Variants in ZFYVE9 observed in about 807,000 individuals in gnomAD.
ZFYVE9 encodes the protein zinc finger FYVE domain-containing protein 9.
A neutral mutation model predicts 126.7 loss-of-function variants in ZFYVE9; 43 were observed. The observed-to-expected ratio is 0.34, with a 90% CI of 0.27 to 0.44. The LOEUF (loss-of-function observed/expected upper bound fraction) is 0.44. Ranked by LOEUF, ZFYVE9 falls within the 20% of genes least tolerant of loss-of-function variation. The probability of loss-of-function intolerance (pLI) is 1.00; values close to 1 mark genes in which losing one functional copy is unlikely to be tolerated. For synonymous variants in ZFYVE9, 521 were observed against 597.4 expected, an observed-to-expected ratio of 0.87 and a Z score of 1.87; for missense variants, 1,476 against 1,697.0, an observed-to-expected ratio of 0.87 and a Z score of 2.29.
chr1:52,268,789 C>T (rs1645659404), intron 7 of ZFYVE9, among the ~76,000 whole-genome samples, 157 bp downstream of exon 7: 1 of 152,178 alleles, frequency 6.6e-6, no homozygotes, highest in African/African-American at 2.4e-5. Context: ...CAAAAATCAG[C>T]TGCTGTTCTT....
In ZFYVE9 at chr1:52,323,895, CAAAAAA is replaced by C. The variant is rs35308713; in HGVS notation, c.3439-8861_3439-8856del. Among the ~76,000 whole-genome samples, 48 of 126,074 alleles carry C rather than the reference CAAAAAA, an allele frequency of 3.8e-4. 1 individual carries two copies. The highest frequency in any genetic ancestry group is 1.5e-3 in the African/African-American group (48 of 32,408). The allele number at this position is 126,074 out of a possible 152,430, so 82.7% of individuals were successfully genotyped here. A position where few individuals can be genotyped will look rare whatever the true frequency, so the allele number is the denominator to read the frequency against. ...GGTGAAACCCCGTCTCTACTAAATA[CAAAAAA>C]AAAAAAAAAAAGCCAGGCGTGATGG... On this transcript the variant is annotated intron_variant, in intron 13 of 18. Coordinates refer to ENST00000287727, the MANE Select transcript of ZFYVE9 (RefSeq NM_004799.4).
chr1:52,332,643 T>G (rs1646352845), intron 13 of ZFYVE9, 125 bp from the exon 14 acceptor site: 11 of 1,094,280 alleles, frequency 1.0e-5, no homozygotes, highest in Non-Finnish European at 1.4e-5. Context: ...CATTATTTGG[T>G]GGCCCTTTTT....
intron 13 of ZFYVE9, among the ~76,000 whole-genome samples, chr1:52,331,314 A>G (rs998899557): frequency 2.6e-5 from 4 of 152,114 alleles, no homozygotes; most frequent in African/African-American, 7.2e-5. Context: ...ATAAAAACAA[A>G]TTATCATTAA....
At chr1:52,307,551 A>C (rs1646096349) in intron 13 of ZFYVE9, among the ~76,000 whole-genome samples, 1 of 151,970 alleles carries the variant, frequency 6.6e-6, no homozygotes, top group South Asian at 2.1e-4. Flanking sequence ...TAGTTACTTC[A>C]GTACTGACTG....
In ZFYVE9 at chr1:52,281,753, G is replaced by A; in HGVS notation, c.2962G>A (p.Glu988Lys). 1 of 1,614,210 alleles carries A rather than the reference G, an allele frequency of 6.2e-7. No individual in the cohort carries two copies. The highest frequency in any genetic ancestry group is 8.5e-7 in the Non-Finnish European group (1 of 1,180,028). The change falls in exon 10 of 19, where the codon GAA (glutamate) becomes AAA (lysine). Residue 988 changes from glutamate to lysine, a missense_variant. Transcript: ENST00000287727. ...CATTCTTCTACAGTGTTTACCGGAT[G>A]AAAAGTGTTTGCCAAAGGATATCTT... ...IVILLQCLPD[E>K]KCLPKDIFNH...
intron 8 of ZFYVE9, among the ~76,000 whole-genome samples, 197 bp from the exon 9 acceptor site, chr1:52,278,295 T>G (rs552386161): frequency 1.3e-5 from 2 of 152,344 alleles, no homozygotes; most frequent in African/African-American, 4.8e-5. Context: ...TAAGGTGGAC[T>G]GGGTCACTTT....
At chr1:52,206,620 G>GGCTCACTGCAACCTCCACCTCC (rs1553124718) in intron 1 of ZFYVE9, among the ~76,000 whole-genome samples, 1 of 151,970 alleles carries the variant, frequency 6.6e-6, no homozygotes, top group Non-Finnish European at 1.5e-5. Context: ...ATCTCGGCTC[G>GGCTCACTGCAACCTCCACCTCC]GCTCACTGCA....
Position 52,293,801 on chromosome 1 carries a change from G to T in ZFYVE9, c.3250+124G>T, listed in dbSNP as rs1362354202. The T allele has an allele frequency of 4.5e-5, 43 of 952,126 alleles. No homozygotes were observed. The East Asian group carries it at 1.1e-3, about 24-fold the overall frequency. 59.0% of individuals were successfully genotyped at this position (952,126 alleles called of 1,614,324 possible). ...CTTTTGAAATAGCTAAACTAAATTT[G>T]GCCAGTGTCTGCGTGTATTGGGCAT... On this transcript the variant is annotated intron_variant, in intron 11 of 18. Coordinates refer to ENST00000287727, the MANE Select transcript of ZFYVE9 (RefSeq NM_004799.4).
intron 2 of ZFYVE9, among the ~76,000 whole-genome samples, chr1:52,221,616 G>T (rs1180459844): frequency 6.6e-6 from 1 of 152,166 alleles, no homozygotes; most frequent in African/African-American, 2.4e-5. Flanking sequence ...TTGCTGCTAT[G>T]GATTGGACAC....
chr1:52,214,937 A>G (rs1432753583), intron 1 of ZFYVE9, among the ~76,000 whole-genome samples: 1 of 152,126 alleles, frequency 6.6e-6, no homozygotes, highest in East Asian at 1.9e-4. Context: ...CACACTGGGG[A>G]GGGCAATCTG....
At chr1:52,337,673 G>T in intron 15 of ZFYVE9, 99 bp from the exon 16 acceptor site, 1 of 1,387,446 alleles carries the variant, frequency 7.2e-7, no homozygotes, top group South Asian at 1.4e-5. Context: ...GTCAGCTTTG[G>T]AAAGCAGAGC....
intron 13 of ZFYVE9, among the ~76,000 whole-genome samples, chr1:52,320,201 C>G (rs1046466197): frequency 1.3e-5 from 2 of 151,534 alleles, no homozygotes; most frequent in Non-Finnish European, 2.9e-5. Context: ...CTCCCGAGTA[C>G]CTGGGATTAC....
At chr1:52,279,304 G>A (rs1645779364) in intron 9 of ZFYVE9, among the ~76,000 whole-genome samples, 2 of 152,116 alleles carry the variant, frequency 1.3e-5, no homozygotes, top group Non-Finnish European at 2.9e-5. Context: ...TTTACATGCT[G>A]TGTTTTAATC....
intron 1 of ZFYVE9, among the ~76,000 whole-genome samples, chr1:52,181,274 G>A (rs1401180035): frequency 6.6e-6 from 1 of 152,198 alleles, no homozygotes; most frequent in Non-Finnish European, 1.5e-5. Flanking sequence ...TGGTGGAGAC[G>A]GGGTTTCGCT....
At chr1:52,243,736 G>A (rs561807140) in intron 4 of ZFYVE9, among the ~76,000 whole-genome samples, 1 of 151,992 alleles carries the variant, frequency 6.6e-6, no homozygotes, top group Non-Finnish European at 1.5e-5. Flanking sequence ...TCCAGCCAGA[G>A]TGACAGAGCT....
chr1:52,324,267 AC>A, intron 13 of ZFYVE9, among the ~76,000 whole-genome samples: 1 of 151,786 alleles, frequency 6.6e-6, no homozygotes, highest in Admixed American at 6.6e-5. Flanking sequence ...ACACACACAC[AC>A]ACACAAAAAC....
chr1:52,337,656 T>C, intron 15 of ZFYVE9, 116 bp from the exon 16 acceptor site: 1 of 1,193,270 alleles, frequency 8.4e-7, no homozygotes, highest in South Asian at 1.6e-5. Context: ...GCAAAACCTC[T>C]GTATCAGTCA....
chr1:52,235,593 A>C lies in ZFYVE9; in HGVS notation c.71-1895A>C, dbSNP rs1056513563. 3.3e-5 allele frequency among the ~76,000 whole-genome samples: 5 copies of C among 152,142 alleles called. No homozygotes were observed. In the East Asian group the frequency reaches 9.6e-4, roughly 29 times the overall value. ...AGAGGATACTAAGCCCATTCTTCAC[A>C]CAATCTGAGTTTTGTGCCCTTTTTA... On this transcript the variant is annotated intron_variant, in intron 3 of 18. Coordinates refer to ENST00000287727, the MANE Select transcript of ZFYVE9 (RefSeq NM_004799.4).
intron 13 of ZFYVE9, among the ~76,000 whole-genome samples, chr1:52,309,052 T>G (rs1168604485): frequency 1.3e-5 from 2 of 152,238 alleles, no homozygotes; most frequent in Non-Finnish European, 2.9e-5. Context: ...CACCAATGTT[T>G]CTTAATTTCT....
Sources: allele counts gnomAD v4.1 joint callset (sites outside exome capture counted in the v4.1 genomes callset), GRCh38; gene constraint gnomAD v4.1.1; transcripts MANE v1.5; gene names NCBI Gene and HGNC (gene_info 2026-07-23, HGNC 2026-07-21).